The following RCAN2 variants were observed in gnomAD, a reference collection of about 807,000 sequenced individuals.
RCAN2 encodes regulator of calcineurin 2.
RCAN2 carries 9 observed loss-of-function variants against 23.6 expected under a neutral mutation model. The observed-to-expected ratio is 0.38, with a 90% CI of 0.23 to 0.67. The LOEUF is 0.67. RCAN2 is among the 30% of genes least tolerant of loss of function. The pLI is 0.51. For synonymous variants in RCAN2, 109 were observed against 115.7 expected (o/e 0.94, Z 0.37); for missense variants, 273 against 302.3 (o/e 0.90, Z 0.72).
intron 2 of RCAN2, chr6:46,325,385 G>A: frequency 1.2e-6 from 2 of 1,613,944 alleles, no homozygotes; most frequent in Non-Finnish European, 8.5e-7. Context: ...AAGATTGCAG[G>A]TGCATACCTT....
At chr6:46,225,299 G>C (rs925889538) in intron 4 of RCAN2, among the ~76,000 whole-genome samples, 1 of 152,182 alleles carries the variant, frequency 6.6e-6, no homozygotes, top group African/African-American at 2.4e-5. Context: ...TATATACCCA[G>C]TAATGGGATG....
chr6:46,292,108 C>G (rs1292535262), intron 2 of RCAN2, among the ~76,000 whole-genome samples: 1 of 152,132 alleles, frequency 6.6e-6, no homozygotes, highest in Non-Finnish European at 1.5e-5. Flanking sequence ...TGTAATTAGT[C>G]AGTGGGGCAA....
chr6:46,269,452 A>T (rs987710257), intron 2 of RCAN2, among the ~76,000 whole-genome samples: 1 of 152,172 alleles, frequency 6.6e-6, no homozygotes, highest in Non-Finnish European at 1.5e-5. Flanking sequence ...TATTAAATAG[A>T]TCTCTTTTTT....
intron 2 of RCAN2, among the ~76,000 whole-genome samples, chr6:46,413,130 C>T (rs1426820940): frequency 6.6e-6 from 1 of 152,058 alleles, no homozygotes; most frequent in Non-Finnish European, 1.5e-5. Context: ...TGCTGATACC[C>T]ACAGGAATTC....
chr6:46,371,284 AT>A (rs1280793941), intron 2 of RCAN2, among the ~76,000 whole-genome samples: 13 of 149,106 alleles, frequency 8.7e-5, no homozygotes, highest in Non-Finnish European at 1.0e-4. Flanking sequence ...AAAATGGTAT[AT>A]TTTTTTAATC....
intron 4 of RCAN2, among the ~76,000 whole-genome samples, chr6:46,227,302 A>C (rs1765705296): frequency 6.6e-6 from 1 of 152,186 alleles, no homozygotes. Context: ...CTGGCCTCAT[A>C]AAATTAGTTA....
At chr6:46,271,270 G>A (rs1287108715) in intron 2 of RCAN2, among the ~76,000 whole-genome samples, 2 of 152,192 alleles carry the variant, frequency 1.3e-5, no homozygotes, top group Non-Finnish European at 2.9e-5. Flanking sequence ...CCAACAGGCT[G>A]GAGAGGTAAG....
At chr6:46,470,251 G>A (rs756729399) in intron 1 of RCAN2, among the ~76,000 whole-genome samples, 2 of 152,148 alleles carry the variant, frequency 1.3e-5, no homozygotes, top group Non-Finnish European at 2.9e-5. Flanking sequence ...GGGCCCATCT[G>A]GCATTCCAAC....
chr6:46,405,992 C>T (rs1000009106), intron 2 of RCAN2, among the ~76,000 whole-genome samples: 4 of 152,264 alleles, frequency 2.6e-5, no homozygotes, highest in Non-Finnish European at 4.4e-5. Flanking sequence ...GTACACCCTC[C>T]GCAGCCACTG....
chr6:46,490,131 G>A (rs1414573679), intron 1 of RCAN2, among the ~76,000 whole-genome samples: 1 of 152,188 alleles, frequency 6.6e-6, no homozygotes, highest in Non-Finnish European at 1.5e-5. Flanking sequence ...AACTTGAGTT[G>A]CACTGTTAAA....
At chr6:46,457,802 C>T (rs956256653) in intron 1 of RCAN2, among the ~76,000 whole-genome samples, 2 of 152,180 alleles carry the variant, frequency 1.3e-5, no homozygotes, top group Non-Finnish European at 2.9e-5. Flanking sequence ...CCCTCCTTGC[C>T]TTGTAAGGCT....
Position 46,429,267 on chromosome 6 carries a change from G to T in RCAN2, c.225+27485C>A, listed in dbSNP as rs963391250. ...TAGAATTGTATAAACACTTTTACAG[G>T]GTGTACTCTGAACTTGCCACTTTAG... On this transcript the variant is annotated intron_variant, in intron 2 of 4. Coordinates refer to ENST00000371374, the MANE Select transcript of RCAN2 (RefSeq NM_001251974.2). 3.3e-5 allele frequency among the ~76,000 whole-genome samples: 5 copies of T among 152,084 alleles called. No homozygotes were observed. The South Asian group carries it at 8.3e-4, about 25-fold the overall frequency.
At chr6:46,312,065 C>A (rs1390386330) in intron 2 of RCAN2, among the ~76,000 whole-genome samples, 1 of 152,156 alleles carries the variant, frequency 6.6e-6, no homozygotes, top group African/African-American at 2.4e-5. Context: ...GCCTCTTCTT[C>A]CATCCTGCTG....
intron 4 of RCAN2, among the ~76,000 whole-genome samples, chr6:46,237,331 T>C (rs1034200045): frequency 2.6e-5 from 4 of 152,228 alleles, no homozygotes; most frequent in Non-Finnish European, 2.9e-5. Context: ...AAGAAGAGAC[T>C]ATAAATTATA....
At chr6:46,375,965 C>A (rs1287889642) in intron 2 of RCAN2, among the ~76,000 whole-genome samples, 1 of 152,218 alleles carries the variant, frequency 6.6e-6, no homozygotes, top group East Asian at 1.9e-4. Context: ...ACTATACATG[C>A]TTCCTCTGAT....
intron 2 of RCAN2, among the ~76,000 whole-genome samples, chr6:46,395,067 G>T (rs550706696): frequency 6.6e-6 from 1 of 152,314 alleles, no homozygotes; most frequent in African/African-American, 2.4e-5. Flanking sequence ...AGTGGTGATA[G>T]GGTGTTGGAG....
At chr6:46,456,311 T>G (rs538847800) in intron 2 of RCAN2, among the ~76,000 whole-genome samples, 6 of 152,194 alleles carry the variant, frequency 3.9e-5, no homozygotes, top group Non-Finnish European at 8.8e-5. Context: ...GGCTCACAGT[T>G]TAAGAAGGCT....
intron 2 of RCAN2, among the ~76,000 whole-genome samples, chr6:46,437,609 A>G (rs907313563): frequency 3.9e-5 from 6 of 152,212 alleles, no homozygotes; most frequent in Admixed American, 6.5e-5. Context: ...ACTTCAAGTG[A>G]CAGCTCCTGA....
intron 2 of RCAN2, among the ~76,000 whole-genome samples, chr6:46,426,110 G>A (rs796392663): frequency 6.6e-6 from 1 of 151,624 alleles, no homozygotes; most frequent in Non-Finnish European, 1.5e-5. Flanking sequence ...TGTTGGTCAG[G>A]CTGGTCTCAA....
Sources: gnomAD v4.1 joint callset for allele counts (sites outside exome capture counted in the v4.1 genomes callset) on GRCh38, gnomAD v4.1.1 for gene constraint, MANE v1.5 for transcripts, NCBI Gene and HGNC (gene_info 2026-07-23, HGNC 2026-07-21) for gene names.